The following CFAP20DC variants were observed in gnomAD, a reference collection of about 807,000 sequenced individuals.
CFAP20DC encodes protein CFAP20DC.
CFAP20DC carries 84 observed loss-of-function variants against 101.7 expected under a neutral mutation model. That is an observed-to-expected ratio of 0.83 (90% CI 0.69 to 0.99). The LOEUF (loss-of-function observed/expected upper bound fraction) is 0.99, where lower values mean the gene tolerates loss of function less well. Ranked by LOEUF, CFAP20DC falls within the 50% of genes least tolerant of loss-of-function variation. CFAP20DC has a pLI of 0.00. For missense variants in CFAP20DC, 1,007 were observed against 970.3 expected (o/e 1.04, Z -0.50); for synonymous variants, 359 against 351.2 (o/e 1.02, Z -0.25).
intron 3 of CFAP20DC, among the ~76,000 whole-genome samples, chr3:59,042,670 T>C (rs375869583): frequency 9.9e-5 from 15 of 152,216 alleles, no homozygotes; most frequent in East Asian, 1.9e-4. Context: ...AGGAGTAACA[T>C]TACTTATGTG....
Position 58,913,785 on chromosome 3 carries a change from A to G in CFAP20DC, c.473T>C (p.Ile158Thr), listed in dbSNP as rs748182970. ...TAGCTTACAGTTAGCTGAGACAACAATTCCATCCAATGACTGGAAAACTGC... is the reference window on the plus strand; with the variant it reads ...TAGCTTACAGTTAGCTGAGACAACAGTTCCATCCAATGACTGGAAAACTGC... Reference protein sequence around the residue: ...KGAVFQSLDGIVVSANCKLRK... With the variant: ...KGAVFQSLDGTVVSANCKLRK... The change falls in exon 6 of 17, where the codon ATT becomes ACT. Residue 158 changes from isoleucine to threonine, a missense_variant. By Grantham distance (89) the Ile-to-Thr change is moderately conservative. Coordinates refer to ENST00000482387, the MANE Select transcript of CFAP20DC (RefSeq NM_001394063.1). The surrounding 1 kb of genome is among the most constrained non-coding windows in gnomAD (Gnocchi z 4.4). 3 of 1,613,716 alleles carry G rather than the reference A, an allele frequency of 1.9e-6. No homozygotes were observed. The highest frequency in any genetic ancestry group is 2.5e-6 in the Non-Finnish European group (3 of 1,179,764).
chr3:58,921,767 T>C (rs989533633), intron 5 of CFAP20DC, among the ~76,000 whole-genome samples: 1 of 152,218 alleles, frequency 6.6e-6, no homozygotes, highest in Non-Finnish European at 1.5e-5. Context: ...TCTATATCTT[T>C]AGTGATTGTC....
At chr3:58,907,327 G>C (rs2083702732) in intron 6 of CFAP20DC, among the ~76,000 whole-genome samples, 1 of 152,160 alleles carries the variant, frequency 6.6e-6, no homozygotes, top group Admixed American at 6.5e-5. Flanking sequence ...AAGTGCTCCA[G>C]ACTCTCCTCT....
At chr3:58,821,227 G>T (rs1335781430) in intron 14 of CFAP20DC, among the ~76,000 whole-genome samples, 2 of 152,154 alleles carry the variant, frequency 1.3e-5, no homozygotes, top group African/African-American at 4.8e-5. Flanking sequence ...TCAGGACATA[G>T]GCATGGGCAA....
At chr3:58,809,737 C>A (rs116383152) in intron 14 of CFAP20DC, among the ~76,000 whole-genome samples, 119 of 152,152 alleles carry the variant, frequency 7.8e-4, no homozygotes, top group African/African-American at 2.8e-3. Flanking sequence ...ACACAAAAAA[C>A]GCTTTCAAAA....
chr3:58,872,011 T>C (rs543562993), intron 7 of CFAP20DC, among the ~76,000 whole-genome samples: 3 of 152,216 alleles, frequency 2.0e-5, no homozygotes, highest in Non-Finnish European at 4.4e-5. Context: ...AATGACGACA[T>C]AAAAGGCTTC....
At chr3:58,733,689 T>C (rs1422978471) in intron 3 of CFAP20DC, among the ~76,000 whole-genome samples, 1 of 152,234 alleles carries the variant, frequency 6.6e-6, no homozygotes, top group Non-Finnish European at 1.5e-5. Flanking sequence ...AGACCCGAAA[T>C]ATTACAAATA....
At chr3:58,983,835 G>T (rs1192923043) in intron 4 of CFAP20DC, among the ~76,000 whole-genome samples, 1 of 152,118 alleles carries the variant, frequency 6.6e-6, no homozygotes, top group African/African-American at 2.4e-5. Flanking sequence ...GAGGCACAAG[G>T]ACACTAAGTA....
chr3:58,947,632 T>C (rs1479948027), intron 4 of CFAP20DC, among the ~76,000 whole-genome samples: 2 of 152,186 alleles, frequency 1.3e-5, no homozygotes, highest in Admixed American at 1.3e-4. Context: ...TCTCCAATTC[T>C]TGTGAGTTTT....
chr3:58,849,877 G>A (rs2078068528), intron 12 of CFAP20DC, among the ~76,000 whole-genome samples: 1 of 152,082 alleles, frequency 6.6e-6, no homozygotes, highest in Non-Finnish European at 1.5e-5. Flanking sequence ...TGGGTCTAGG[G>A]AAGCATTTTT....
intron 4 of CFAP20DC, among the ~76,000 whole-genome samples, chr3:58,979,817 CT>C (rs566433334): frequency 0.065 from 9,284 of 142,178 alleles, 333 homozygotes; most frequent in Non-Finnish European, 0.085. Flanking sequence ...GTTTCTTTTT[CT>C]TTTTTTTTTT....
At chr3:58,818,030 C>T (rs1298966324) in intron 14 of CFAP20DC, among the ~76,000 whole-genome samples, 5 of 150,584 alleles carry the variant, frequency 3.3e-5, no homozygotes, top group Non-Finnish European at 7.4e-5. Flanking sequence ...ATTTCATATC[C>T]AGCCAAACTA....
At position 58,960,509 on chromosome 3, in the gene CFAP20DC, T is replaced by A. The variant is rs576623645; in HGVS notation, c.279-22747A>T. On this transcript the variant is annotated intron_variant, in intron 4 of 16. Transcript: ENST00000482387. Reference sequence around the variant, plus strand: ...TCTGTCTCAAAAAAAAAAAAAAAAATTCCTATTTTATTTTTTTGATGATGT... The same window carrying A: ...TCTGTCTCAAAAAAAAAAAAAAAAAATCCTATTTTATTTTTTTGATGATGT... 2.1e-3 allele frequency among the ~76,000 whole-genome samples: 310 copies of A among 150,542 alleles called. 2 individuals carry two copies. The highest frequency in any genetic ancestry group is 7.4e-3 in the African/African-American group (302 of 40,942).
At chr3:59,016,654 A>G (rs1309128797) in intron 4 of CFAP20DC, among the ~76,000 whole-genome samples, 1 of 152,130 alleles carries the variant, frequency 6.6e-6, no homozygotes, top group Non-Finnish European at 1.5e-5. Context: ...ATAGGTATGT[A>G]CAATTGTTAC....
chr3:58,834,626 A>AGT (rs2076614861), intron 13 of CFAP20DC, among the ~76,000 whole-genome samples: 1 of 152,090 alleles, frequency 6.6e-6, no homozygotes, highest in South Asian at 2.1e-4. Context: ...CCAGCTTTAA[A>AGT]TGACTAGGAA....
At chr3:58,963,190 T>TGTGTGTGTGTG (rs2091283461) in intron 4 of CFAP20DC, among the ~76,000 whole-genome samples, 8 of 118,184 alleles carry the variant, frequency 6.8e-5, no homozygotes, top group South Asian at 3.8e-4. Flanking sequence ...GTTCAGTAGT[T>TGTGTGTGTGTG]TGTGTGTGTG....
intron 5 of CFAP20DC, among the ~76,000 whole-genome samples, chr3:58,932,604 G>C (rs2086875276): frequency 6.6e-6 from 1 of 152,172 alleles, no homozygotes; most frequent in Non-Finnish European, 1.5e-5. Context: ...CCAGAAGAGA[G>C]TGGGGGCCAA....
intron 12 of CFAP20DC, among the ~76,000 whole-genome samples, chr3:58,857,805 T>C (rs2078954124): frequency 6.6e-6 from 1 of 152,168 alleles, no homozygotes; most frequent in Admixed American, 6.5e-5. Context: ...ACAGTATTTA[T>C]TAGGAGTGGG....
intron 7 of CFAP20DC, among the ~76,000 whole-genome samples, chr3:58,878,076 A>G (rs1488423681): frequency 6.6e-6 from 1 of 152,228 alleles, no homozygotes; most frequent in Non-Finnish European, 1.5e-5. Context: ...TGCAAGCCCA[A>G]TGTAAACTAT....
Sources: gnomAD v4.1 joint callset for allele counts (sites outside exome capture counted in the v4.1 genomes callset) on GRCh38, gnomAD v4.1.1 for gene constraint, Gnocchi (gnomAD v3.1) non-coding constraint, MANE v1.5 for transcripts, NCBI Gene and HGNC (gene_info 2026-07-23, HGNC 2026-07-21) for gene names.